AGPAT3: variants seen among roughly 807,000 people sequenced by gnomAD.
The protein encoded by AGPAT3 is 1-acyl-sn-glycerol-3-phosphate acyltransferase gamma.
A neutral mutation model predicts 47.3 loss-of-function variants in AGPAT3; 5 were observed. The observed-to-expected ratio is 0.11, with a 90% CI of 0.06 to 0.22. The LOEUF is 0.22. AGPAT3 is among the 10% of genes least tolerant of loss of function. The probability of loss-of-function intolerance (pLI) is 1.00; values close to 1 mark genes in which losing one functional copy is unlikely to be tolerated. For missense variants in AGPAT3, 315 were observed against 493.0 expected (o/e 0.64, Z 3.42); for synonymous variants, 212 against 208.3 (o/e 1.02, Z -0.15).
At chr21:43,962,157 C>T (rs2088904771) in intron 3 of AGPAT3, among the ~76,000 whole-genome samples, 1 of 152,054 alleles carries the variant, frequency 6.6e-6, no homozygotes, top group Admixed American at 6.6e-5. Context: ...CCCGCCACCA[C>T]TCCTGGCTAA....
At chr21:43,883,201 A>C (rs1188747697) in intron 1 of AGPAT3, among the ~76,000 whole-genome samples, 1 of 151,804 alleles carries the variant, frequency 6.6e-6, no homozygotes, top group Non-Finnish European at 1.5e-5. Flanking sequence ...CTACCGTGAG[A>C]CTGACCTGCC....
chr21:43,868,283 TAGA>T (rs1227820878), intron 1 of AGPAT3, among the ~76,000 whole-genome samples: 3 of 152,220 alleles, frequency 2.0e-5, no homozygotes, highest in African/African-American at 7.2e-5. Flanking sequence ...CAAGCCTAGG[TAGA>T]AGGATTGCAG....
Position 43,934,640 on chromosome 21 carries a change from C to T in AGPAT3, c.-48-24994C>T, listed in dbSNP as rs898441265. Reference sequence around the variant, plus strand: ...GGGACAGCGGGAACCTGTGGAGGGGCGGGCTCAAGCCCTGGTCGTGAGCAG... The same window carrying T: ...GGGACAGCGGGAACCTGTGGAGGGGTGGGCTCAAGCCCTGGTCGTGAGCAG... On this transcript the variant is annotated intron_variant, in intron 2 of 9. Transcript: ENST00000291572. This position sits in a 1 kb window ranked among gnomAD's most constrained non-coding sequence, Gnocchi z 4.7. 6.6e-6 allele frequency among the ~76,000 whole-genome samples: 1 copy of T among 152,124 alleles called. No individual in the cohort carries two copies. The highest frequency in any genetic ancestry group is 1.5e-5 in the Non-Finnish European group (1 of 68,004).
In AGPAT3 at chr21:43,981,388, G is replaced by A. The variant is rs922554628; in HGVS notation, c.1042+201G>A. 6 of 632,434 alleles carry A rather than the reference G, an allele frequency of 9.5e-6. No homozygotes were observed. In the African/African-American group the frequency reaches 1.1e-4, roughly 12 times the overall value. The allele number at this position is 632,434 out of a possible 1,614,324, so 39.2% of individuals were successfully genotyped here. On this transcript the variant is annotated intron_variant, in intron 9 of 9. Coordinates refer to ENST00000291572, the MANE Select transcript of AGPAT3 (RefSeq NM_020132.5). This position sits in a 1 kb window ranked among gnomAD's most constrained non-coding sequence, Gnocchi z 5.3. ...CTGAGCTGAGGGTCGCCTCCCCAGA[G>A]AGCCGAACGGCCGCCACCTGGCGCC...
chr21:43,917,896 GTTGCGGGT>G (rs2086776844), intron 2 of AGPAT3, among the ~76,000 whole-genome samples: 1 of 128,026 alleles, frequency 7.8e-6, no homozygotes, highest in Non-Finnish European at 1.6e-5. Context: ...GGTTGTAGGG[GTTGCGGGT>G]GTTGTGGGTG....
At chr21:43,980,920 T>A in intron 8 of AGPAT3, 69 bp from the exon 9 acceptor site, 51 of 1,285,072 alleles carry the variant, frequency 4.0e-5, no homozygotes, top group East Asian at 1.2e-4. Context: ...GCCAACAATC[T>A]TCTCCTGCAT....
rs1185062968 is a variant in AGPAT3 at position 43,880,061 on chromosome 21, G to A, written c.-112+14716G>A. Among the ~76,000 whole-genome samples the A allele has an allele frequency of 6.6e-6, 1 of 152,264 alleles. No individual in the cohort carries two copies. The highest frequency in any genetic ancestry group is 1.5e-5 in the Non-Finnish European group (1 of 68,044). On this transcript the variant is annotated intron_variant, in intron 1 of 9. Coordinates refer to ENST00000291572, the MANE Select transcript of AGPAT3 (RefSeq NM_020132.5). This position sits in a 1 kb window ranked among gnomAD's most constrained non-coding sequence, Gnocchi z 4.5. The stretch of plus-strand genomic sequence containing the variant: ...ACTCCGGGGCGGAGGACGCAGCCCT[G>A]CATCCCTTGCGTCCCCAGGCATCTT...
At chr21:43,962,063 C>G (rs4818875) in intron 3 of AGPAT3, among the ~76,000 whole-genome samples, 1 of 149,298 alleles carries the variant, frequency 6.7e-6, no homozygotes, top group Non-Finnish European at 1.5e-5. Flanking sequence ...TGCAGTGGTG[C>G]GATCTCGGCT....
chr21:43,884,837 T>C (rs970013936), intron 1 of AGPAT3, among the ~76,000 whole-genome samples: 7 of 152,112 alleles, frequency 4.6e-5, no homozygotes, highest in Non-Finnish European at 7.4e-5. Flanking sequence ...TGCCCTTGGG[T>C]GTGGGGCAAG....
At chr21:43,971,647 A>G (rs2089402266) in intron 7 of AGPAT3, among the ~76,000 whole-genome samples, 157 bp downstream of exon 7, 1 of 152,160 alleles carries the variant, frequency 6.6e-6, no homozygotes, top group Non-Finnish European at 1.5e-5. Context: ...TGCCCTGCTG[A>G]GCAGACACAG....
rs566592552 is a variant in AGPAT3 at position 43,981,376 on chromosome 21, C to T, written c.1042+189C>T. 2.8e-4 allele frequency: 187 copies of T among 666,038 alleles called. 1 individual carries two copies. The Admixed American group carries it at 3.2e-3, about 11-fold the overall frequency. The allele number at this position is 666,038 out of a possible 1,614,324, so 41.3% of individuals were successfully genotyped here. On this transcript the variant is annotated intron_variant, in intron 9 of 9. Transcript: ENST00000291572. This position sits in a 1 kb window ranked among gnomAD's most constrained non-coding sequence, Gnocchi z 5.3. Reference sequence around the variant, plus strand: ...TGGATTCTTGCACTGAGCTGAGGGTCGCCTCCCCAGAGAGCCGAACGGCCG... The same window carrying T: ...TGGATTCTTGCACTGAGCTGAGGGTTGCCTCCCCAGAGAGCCGAACGGCCG...
chr21:43,942,064 G>A (rs1225899389), intron 2 of AGPAT3, among the ~76,000 whole-genome samples: 1 of 152,250 alleles, frequency 6.6e-6, no homozygotes, highest in Non-Finnish European at 1.5e-5. Flanking sequence ...CAGGTCTTCA[G>A]TAAGTTAGCT....
chr21:43,907,032 T>TC (rs1395128293), intron 2 of AGPAT3, among the ~76,000 whole-genome samples: 2 of 146,414 alleles, frequency 1.4e-5, no homozygotes, highest in African/African-American at 2.5e-5. Context: ...TTTCTTTCTT[T>TC]TTTTTTTTTT....
intron 7 of AGPAT3, among the ~76,000 whole-genome samples, chr21:43,971,889 C>T (rs2089410746): frequency 6.6e-6 from 1 of 152,218 alleles, no homozygotes. Flanking sequence ...TTGTCTCAAA[C>T]CCCACTGGGC....
chr21:43,981,218 T>C lies in AGPAT3; in HGVS notation c.1042+31T>C, dbSNP rs747549349. 1.3e-5 allele frequency: 21 copies of C among 1,609,144 alleles called. No homozygotes were observed. Among genetic ancestry groups the C allele is most frequent in the Non-Finnish European group, 1.7e-5 (20 of 1,175,656 alleles). On this transcript the variant is annotated intron_variant, in intron 9 of 9. Transcript: ENST00000291572. The surrounding 1 kb of genome is among the most constrained non-coding windows in gnomAD (Gnocchi z 5.3). ...GGACACTGTCGCTAACAGCTCACAC[T>C]CTGACGGGCCTCACAGTATCAGCCA...
intron 1 of AGPAT3, among the ~76,000 whole-genome samples, chr21:43,874,874 T>C (rs768133248): frequency 5.9e-5 from 9 of 152,250 alleles, no homozygotes; most frequent in Non-Finnish European, 1.0e-4. Context: ...CCACTAGGGA[T>C]TGGTTCCAGA....
At chr21:43,927,603 G>C (rs757110885) in intron 2 of AGPAT3, among the ~76,000 whole-genome samples, 47 of 152,242 alleles carry the variant, frequency 3.1e-4, no homozygotes, top group Non-Finnish European at 6.3e-4. Context: ...CTCAGCTGAT[G>C]GGAAACCTCC....
At chr21:43,940,896 A>G (rs1247070264) in intron 2 of AGPAT3, among the ~76,000 whole-genome samples, 1 of 152,234 alleles carries the variant, frequency 6.6e-6, no homozygotes, top group Non-Finnish European at 1.5e-5. Context: ...ACGCTGGCCT[A>G]GGATTTCAGA....
intron 2 of AGPAT3, among the ~76,000 whole-genome samples, chr21:43,941,106 G>A (rs2087638645): frequency 6.6e-6 from 1 of 152,182 alleles, no homozygotes; most frequent in Non-Finnish European, 1.5e-5. Context: ...GGGCAGCTGG[G>A]GGGACCCAAA....
Sources: allele counts gnomAD v4.1 joint callset (sites outside exome capture counted in the v4.1 genomes callset), GRCh38; gene constraint gnomAD v4.1.1; non-coding constraint Gnocchi (gnomAD v3.1); transcripts MANE v1.5; gene names NCBI Gene and HGNC (gene_info 2026-07-23, HGNC 2026-07-21).